The following NALF1 variants were observed in gnomAD, a reference collection of about 807,000 sequenced individuals.
NALF1 encodes the protein NALCN channel auxiliary factor 1.
NALF1 carries 3 observed loss-of-function variants against 48.4 expected under a neutral mutation model. The observed-to-expected ratio is 0.06, with a 90% CI of 0.03 to 0.16. The LOEUF (loss-of-function observed/expected upper bound fraction) is 0.16. Ranked by LOEUF, NALF1 falls within the 10% of genes least tolerant of loss-of-function variation. The pLI is 1.00. For synonymous variants in NALF1, 262 were observed against 245.7 expected (o/e 1.07, Z -0.62); for missense variants, 526 against 571.5 (o/e 0.92, Z 0.81).
chr13:107,317,757 C>A (rs1041885776), intron 1 of NALF1, among the ~76,000 whole-genome samples: 1 of 151,638 alleles, frequency 6.6e-6, no homozygotes, highest in Non-Finnish European at 1.5e-5. Flanking sequence ...ACCACAAAGA[C>A]AAGATATCTG....
intron 1 of NALF1, among the ~76,000 whole-genome samples, chr13:107,545,108 T>C (rs766958113): frequency 6.6e-6 from 1 of 152,228 alleles, no homozygotes; most frequent in Admixed American, 6.5e-5. Flanking sequence ...TAGGTCTCTA[T>C]AGATGCAGTC....
intron 1 of NALF1, among the ~76,000 whole-genome samples, chr13:107,802,663 TG>T (rs1878655596): frequency 6.6e-6 from 1 of 151,554 alleles, no homozygotes; most frequent in Admixed American, 6.6e-5. Flanking sequence ...ACAAGAGCCA[TG>T]TTTTTTTATA....
intron 1 of NALF1, among the ~76,000 whole-genome samples, chr13:107,656,763 GTCTA>G (rs1286674558): frequency 6.6e-6 from 1 of 152,106 alleles, no homozygotes; most frequent in Non-Finnish European, 1.5e-5. Flanking sequence ...CAGCCCAAAT[GTCTA>G]TCAATCAATG....
At chr13:107,749,128 T>TTGTG (rs58213843) in intron 1 of NALF1, among the ~76,000 whole-genome samples, 2,685 of 147,424 alleles carry the variant, frequency 0.018, 68 homozygotes, top group African/African-American at 0.055. Flanking sequence ...ATGTCTATAA[T>TTGTG]TGTGTGTGTG....
chr13:107,508,592 T>C (rs1454347170), intron 1 of NALF1, among the ~76,000 whole-genome samples: 1 of 152,056 alleles, frequency 6.6e-6, no homozygotes, highest in Non-Finnish European at 1.5e-5. Flanking sequence ...TTTCACACAT[T>C]GACAATAAAA....
chr13:107,234,214 C>A (rs966616050), intron 1 of NALF1, among the ~76,000 whole-genome samples: 1 of 152,136 alleles, frequency 6.6e-6, no homozygotes, highest in African/African-American at 2.4e-5. Context: ...CTCTGTCTTT[C>A]CTTCCTATAT....
At chr13:107,767,966 C>T (rs986832219) in intron 1 of NALF1, among the ~76,000 whole-genome samples, 2 of 152,070 alleles carry the variant, frequency 1.3e-5, no homozygotes, top group Non-Finnish European at 2.9e-5. Flanking sequence ...GAATGATCCC[C>T]GGGCAGTCAA....
intron 1 of NALF1, among the ~76,000 whole-genome samples, chr13:107,803,217 G>A (rs73587707): frequency 0.028 from 4,198 of 152,162 alleles, 190 homozygotes; most frequent in African/African-American, 0.096. Flanking sequence ...GCGAACAAAT[G>A]GCCTAGAAAA....
intron 1 of NALF1, among the ~76,000 whole-genome samples, chr13:107,247,330 A>T (rs1281912498): frequency 1.3e-5 from 2 of 152,180 alleles, no homozygotes; most frequent in East Asian, 3.8e-4. Flanking sequence ...TATTAGAACA[A>T]AATTCCTGGA....
chr13:107,678,765 C>T (rs189046074), intron 1 of NALF1, among the ~76,000 whole-genome samples: 2 of 152,140 alleles, frequency 1.3e-5, no homozygotes, highest in African/African-American at 4.8e-5. Context: ...TAGGGAAGAG[C>T]CCCTTATAAA....
At chr13:107,506,200 T>C (rs1432138211) in intron 1 of NALF1, among the ~76,000 whole-genome samples, 1 of 152,148 alleles carries the variant, frequency 6.6e-6, no homozygotes, top group Non-Finnish European at 1.5e-5. Flanking sequence ...ATGAGGATGC[T>C]GTATATGAGA....
intron 1 of NALF1, among the ~76,000 whole-genome samples, chr13:107,637,888 A>G (rs568353103): frequency 1.8e-4 from 28 of 152,076 alleles, no homozygotes; most frequent in Admixed American, 1.5e-3. Flanking sequence ...CATTTTCCTT[A>G]CTTGTCTAAT....
intron 1 of NALF1, among the ~76,000 whole-genome samples, chr13:107,365,042 TTC>T (rs1211933930): frequency 2.5e-5 from 3 of 119,082 alleles, no homozygotes; most frequent in East Asian, 6.4e-4. Context: ...CTCCTCCTCC[TTC>T]TCTCTCTCCC....
At chr13:107,200,579 A>G (rs1350306722) in intron 2 of NALF1, among the ~76,000 whole-genome samples, 2 of 152,228 alleles carry the variant, frequency 1.3e-5, no homozygotes, top group African/African-American at 4.8e-5. Context: ...AGCTGTGGTA[A>G]ATGATACAGC....
intron 1 of NALF1, among the ~76,000 whole-genome samples, chr13:107,793,668 C>T (rs1351188658): frequency 6.6e-6 from 1 of 152,082 alleles, no homozygotes; most frequent in Non-Finnish European, 1.5e-5. Context: ...CTGTCATTAA[C>T]ATGTCATAAG....
chr13:107,412,668 C>T (rs2139001779), intron 1 of NALF1, among the ~76,000 whole-genome samples: 1 of 152,270 alleles, frequency 6.6e-6, no homozygotes, highest in East Asian at 1.9e-4. Flanking sequence ...TATGTTATGG[C>T]TGTAACACAG....
intron 1 of NALF1, among the ~76,000 whole-genome samples, chr13:107,548,271 C>T (rs1028205349): frequency 1.3e-5 from 2 of 152,100 alleles, no homozygotes; most frequent in Non-Finnish European, 2.9e-5. Context: ...CGGCCTCCAG[C>T]TCTATCCATG....
chr13:107,644,640 TAC>T (rs1413538576), intron 1 of NALF1, among the ~76,000 whole-genome samples: 9 of 108,314 alleles, frequency 8.3e-5, no homozygotes, highest in African/African-American at 2.9e-4. Context: ...CATACATACA[TAC>T]ATACATATAT....
intron 1 of NALF1, among the ~76,000 whole-genome samples, chr13:107,722,105 G>C (rs115476962): frequency 6.6e-6 from 1 of 152,104 alleles, no homozygotes; most frequent in African/African-American, 2.4e-5. Context: ...GAAAGGAGGA[G>C]GGAGGGAGAG....
Sources: gnomAD v4.1 joint callset for allele counts (sites outside exome capture counted in the v4.1 genomes callset) on GRCh38, gnomAD v4.1.1 for gene constraint, MANE v1.5 for transcripts, NCBI Gene and HGNC (gene_info 2026-07-23, HGNC 2026-07-21) for gene names.